The following NF1 variants were observed in gnomAD, a reference collection of about 807,000 sequenced individuals.
NF1 encodes the protein neurofibromin 1.
NF1 carries 122 observed loss-of-function variants against 325.7 expected under a neutral mutation model. That is an observed-to-expected ratio of 0.37 (90% CI 0.32 to 0.44). The LOEUF is 0.44. Among genes scored for constraint, NF1 ranks in the 20% least tolerant of loss-of-function variants. The pLI is 1.00. For synonymous variants in NF1, 1,091 were observed against 1,186.0 expected (o/e 0.92, Z 1.65); for missense variants, 2,140 against 3,415.4 (o/e 0.63, Z 9.31).
chr17:31,303,461 CTG>C (rs2068621507), intron 36 of NF1, among the ~76,000 whole-genome samples: 1 of 151,980 alleles, frequency 6.6e-6, no homozygotes, highest in African/African-American at 2.4e-5. Flanking sequence ...TGAGAATCAT[CTG>C]TGTTTTGATA....
Position 31,317,403 on chromosome 17 carries a change from A to ACACACACACC in NF1, c.4836-8416_4836-8415insACACACACCC, listed in dbSNP as rs571315603. ...CACACACACACACACACACACACAC[A>ACACACACACC]CCCCTAATAAATCATTAGGCTACTT... is the stretch of plus-strand genomic sequence containing the variant. On this transcript the variant is annotated intron_variant, in intron 36 of 57. Coordinates refer to ENST00000358273, the MANE Select transcript of NF1 (RefSeq NM_001042492.3). Among the ~76,000 whole-genome samples, 28 of 147,288 alleles carry ACACACACACC rather than the reference A, an allele frequency of 1.9e-4. No homozygotes were observed. The East Asian group carries it at 3.7e-3, about 19-fold the overall frequency.
At chr17:31,347,150 A>G (rs1354004331) in intron 48 of NF1, among the ~76,000 whole-genome samples, 1 of 151,522 alleles carries the variant, frequency 6.6e-6, no homozygotes, top group Non-Finnish European at 1.5e-5. Context: ...TATAGAAGTA[A>G]TAAGACCATT....
chr17:31,370,378 A>G (rs1377874537), intron 57 of NF1, among the ~76,000 whole-genome samples: 1 of 152,218 alleles, frequency 6.6e-6, no homozygotes, highest in Non-Finnish European at 1.5e-5. Flanking sequence ...ATTCTAAGAT[A>G]GATAACCACT....
intron 47 of NF1, among the ~76,000 whole-genome samples, chr17:31,341,434 G>T (rs1230624386): frequency 6.6e-6 from 1 of 152,038 alleles, no homozygotes; most frequent in South Asian, 2.1e-4. Context: ...GAGGTAGGAG[G>T]ATTGCTTGAG....
intron 40 of NF1, among the ~76,000 whole-genome samples, chr17:31,335,849 T>TTG (rs2069653108): frequency 7.7e-6 from 1 of 130,052 alleles, no homozygotes; most frequent in Non-Finnish European, 1.7e-5. Flanking sequence ...TGGCTAATTT[T>TTG]TGTATTTTTT....
intron 48 of NF1, chr17:31,345,792 A>G: frequency 6.2e-7 from 1 of 1,614,102 alleles, no homozygotes; most frequent in South Asian, 1.1e-5. Flanking sequence ...TGGTTTTCCT[A>G]GGACATTAGG....
At chr17:31,172,587 A>C (rs1394844945) in intron 5 of NF1, among the ~76,000 whole-genome samples, 1 of 152,008 alleles carries the variant, frequency 6.6e-6, no homozygotes, top group Non-Finnish European at 1.5e-5. Flanking sequence ...ACGCAATACT[A>C]GTATTAATAT....
chr17:31,127,179 C>T (rs1464548096), intron 1 of NF1, among the ~76,000 whole-genome samples: 1 of 151,928 alleles, frequency 6.6e-6, no homozygotes, highest in Non-Finnish European at 1.5e-5. Flanking sequence ...GATTATTTGT[C>T]CTGATTGTGG....
chr17:31,203,418 A>G (rs533767004), intron 11 of NF1, among the ~76,000 whole-genome samples: 12 of 152,334 alleles, frequency 7.9e-5, no homozygotes, highest in African/African-American at 2.9e-4. Flanking sequence ...ATCTTTTTAA[A>G]TTATGCTTTG....
At chr17:31,317,698 A>G (rs1316415073) in intron 36 of NF1, 1 of 152,204 alleles carries the variant, frequency 6.6e-6, no homozygotes, top group Non-Finnish European at 1.5e-5. Context: ...TTTATTATAC[A>G]AAAGTAAAGG....
rs552981345 is a variant in NF1 at position 31,184,634 on chromosome 17, C to G, written c.888+1969C>G. ...CACTGCACTCCAGCCTGGGCGACAGCGAGACTCCGTCTCAAAAAAAAAAAA... is the reference window on the plus strand; with the variant it reads ...CACTGCACTCCAGCCTGGGCGACAGGGAGACTCCGTCTCAAAAAAAAAAAA... On this transcript the variant is annotated intron_variant, in intron 8 of 57. Coordinates refer to ENST00000358273, the MANE Select transcript of NF1 (RefSeq NM_001042492.3). Among the ~76,000 whole-genome samples, 4 of 138,184 alleles carry G rather than the reference C, an allele frequency of 2.9e-5. 1 individual carries two copies. In the East Asian group the frequency reaches 8.3e-4, roughly 29 times the overall value. The allele number at this position is 138,184 out of a possible 152,430, so 90.7% of individuals were successfully genotyped here. A position where few individuals can be genotyped will look rare whatever the true frequency, so the allele number is the denominator to read the frequency against.
intron 1 of NF1, among the ~76,000 whole-genome samples, chr17:31,111,846 A>G (rs1224312663): frequency 1.3e-5 from 2 of 152,156 alleles, no homozygotes; most frequent in Non-Finnish European, 2.9e-5. Flanking sequence ...GTGTGAGTAA[A>G]TAGACAAGAC....
intron 30 of NF1, chr17:31,250,767 A>G (rs1277595882): frequency 5.3e-6 from 1 of 188,376 alleles, no homozygotes; most frequent in African/African-American, 2.3e-5. Flanking sequence ...AAGGAGGAAA[A>G]TAGTGAAAAT....
rs2151601186 is a variant in NF1 at position 31,374,003 on chromosome 17, T to C, written c.8378-10T>C. On this transcript the variant is annotated splice_polypyrimidine_tract_variant and intron_variant, in intron 57 of 57. Coordinates refer to ENST00000358273, the MANE Select transcript of NF1 (RefSeq NM_001042492.3). ...AAGAAGAAGTAACTGGCTGTTCTCT[T>C]TTTCTCCAGGAATCGACAAGGAGAA... 1 of 1,613,942 alleles carries C rather than the reference T, an allele frequency of 6.2e-7. No homozygotes were observed. The highest frequency in any genetic ancestry group is 8.5e-7 in the Non-Finnish European group (1 of 1,179,894).
chr17:31,342,566 C>T (rs796250188), intron 47 of NF1, among the ~76,000 whole-genome samples: 12 of 152,188 alleles, frequency 7.9e-5, no homozygotes, highest in African/African-American at 1.9e-4. Flanking sequence ...CCAGCCTGGG[C>T]GACAGAGTAA....
chr17:31,246,241 C>T (rs929672870), intron 29 of NF1, among the ~76,000 whole-genome samples: 13 of 152,108 alleles, frequency 8.5e-5, no homozygotes, highest in South Asian at 4.1e-4. Context: ...GATTACCTGC[C>T]GCACCTACTT....
At chr17:31,166,275 A>G (rs1225807727) in intron 4 of NF1, among the ~76,000 whole-genome samples, 1 of 152,106 alleles carries the variant, frequency 6.6e-6, no homozygotes, top group East Asian at 1.9e-4. Flanking sequence ...TTTTAAAAAT[A>G]GTTTTCAGTT....
chr17:31,156,229 G>T, intron 2 of NF1, 103 bp downstream of exon 2: 2 of 1,350,930 alleles, frequency 1.5e-6, no homozygotes, highest in South Asian at 1.2e-5. Context: ...GATTTTCTGT[G>T]GACTTTGGAT....
intron 23 of NF1, 51 bp from the exon 24 acceptor site, chr17:31,230,791 G>A: frequency 1.5e-6 from 2 of 1,353,194 alleles, no homozygotes; most frequent in Non-Finnish European, 2.1e-6. Context: ...AGGTGTGTGT[G>A]TGGCTTCAAA....
Sources: allele counts gnomAD v4.1 joint callset (sites outside exome capture counted in the v4.1 genomes callset), GRCh38; gene constraint gnomAD v4.1.1; transcripts MANE v1.5; gene names NCBI Gene and HGNC (gene_info 2026-07-23, HGNC 2026-07-21).